The following HDAC8 variants were observed in gnomAD, a reference collection of about 807,000 sequenced individuals.
HDAC8 encodes the protein histone deacetylase 8.
Under a neutral mutation model 32.2 loss-of-function variants are expected in HDAC8, and 1 was observed. The observed-to-expected ratio is 0.03, with a 90% CI of 0.01 to 0.15. The LOEUF (loss-of-function observed/expected upper bound fraction) is 0.15. Ranked by LOEUF, HDAC8 falls within the 10% of genes least tolerant of loss-of-function variation. The pLI is 1.00. For synonymous variants in HDAC8, 108 were observed against 113.9 expected (o/e 0.95, Z 0.33); for missense variants, 117 against 300.0 (o/e 0.39, Z 4.51).
At position 72,459,734 on chromosome X, in the gene HDAC8, G is replaced by A. The variant is rs184821403; in HGVS notation, c.1005+2270C>T. 2.7e-5 allele frequency among the ~76,000 whole-genome samples: 3 copies of A among 111,285 alleles called. No individual in the cohort carries two copies. The East Asian group carries it at 8.5e-4, about 31-fold the overall frequency. On this transcript the variant is annotated intron_variant, in intron 9 of 10. Transcript: ENST00000373573. ...CCTCCCTCCCTAGCTGCTTGAGGTA[G>A]GGGATGAATTTCTCTCTTTGCATCT...
chrX:72,548,927 G>GC (rs1263343636), intron 4 of HDAC8, among the ~76,000 whole-genome samples: 1 of 111,767 alleles, frequency 8.9e-6, no homozygotes, highest in East Asian at 2.8e-4. Context: ...TACTGAAAGA[G>GC]CCTTTTTAGA....
At chrX:72,545,429 T>A (rs1735341010) in intron 4 of HDAC8, among the ~76,000 whole-genome samples, 1 of 112,525 alleles carries the variant, frequency 8.9e-6, no homozygotes, top group South Asian at 3.7e-4. Context: ...TCACATTTAA[T>A]CCTTATAACC....
At chrX:72,562,076 C>T (rs782196260) in intron 4 of HDAC8, among the ~76,000 whole-genome samples, 25 of 111,998 alleles carry the variant, frequency 2.2e-4, no homozygotes, top group Non-Finnish European at 3.8e-4. Context: ...TTTTACACTG[C>T]TGGTGGGAAT....
At chrX:72,509,622 CAAG>C (rs1435044054) in intron 4 of HDAC8, among the ~76,000 whole-genome samples, 1 of 111,461 alleles carries the variant, frequency 9.0e-6, no homozygotes, top group Non-Finnish European at 1.9e-5. Flanking sequence ...ATAAGCCAGA[CAAG>C]AAGGACAAAT....
At chrX:72,382,340 C>T (rs781874759) in intron 9 of HDAC8, among the ~76,000 whole-genome samples, 2 of 112,251 alleles carry the variant, frequency 1.8e-5, no homozygotes, top group African/African-American at 6.5e-5. Context: ...GAGGTCACAA[C>T]GCATAACTTG....
At position 72,453,457 on chromosome X, in the gene HDAC8, T is replaced by C. The variant is rs1414196410; in HGVS notation, c.1005+8547A>G. Among the ~76,000 whole-genome samples, 3 of 37,185 alleles carry C rather than the reference T, an allele frequency of 8.1e-5. No homozygotes were observed. The Admixed American group carries it at 9.6e-4, about 12-fold the overall frequency. The allele number at this position is 37,185 out of a possible 115,157, so 32.3% of individuals were successfully genotyped here. ...GGCTGACGGAGTAAGACTCTGTCTC[T>C]TAAAAATAAAGAAAGAAAGAAAGAA... is the stretch of plus-strand genomic sequence containing the variant. On this transcript the variant is annotated intron_variant, in intron 9 of 10. Coordinates refer to ENST00000373573, the MANE Select transcript of HDAC8 (RefSeq NM_018486.3).
chrX:72,441,794 T>A (rs1366381727), intron 9 of HDAC8, among the ~76,000 whole-genome samples: 3 of 111,192 alleles, frequency 2.7e-5, no homozygotes, highest in Non-Finnish European at 3.8e-5. Flanking sequence ...TGAAAAAAAT[T>A]TAGACGAATG....
At chrX:72,409,712 C>T (rs1297538660) in intron 9 of HDAC8, among the ~76,000 whole-genome samples, 1 of 112,409 alleles carries the variant, frequency 8.9e-6, no homozygotes, top group East Asian at 2.8e-4. Flanking sequence ...TTTCTCAATT[C>T]GCTCAATAGG....
At chrX:72,370,655 G>A (rs782150659) in intron 9 of HDAC8, among the ~76,000 whole-genome samples, 4 of 112,138 alleles carry the variant, frequency 3.6e-5, no homozygotes, top group South Asian at 3.8e-4. Flanking sequence ...CACTGTGCCC[G>A]GCCAAAGGGG....
chrX:72,346,426 T>C (rs2044029719), intron 10 of HDAC8, among the ~76,000 whole-genome samples: 1 of 112,318 alleles, frequency 8.9e-6, no homozygotes, highest in Non-Finnish European at 1.9e-5. Context: ...AGTCCCACCA[T>C]GCAGGAGCAC....
intron 7 of HDAC8, among the ~76,000 whole-genome samples, chrX:72,478,091 C>T (rs2048389388): frequency 8.9e-6 from 1 of 112,574 alleles, no homozygotes; most frequent in Non-Finnish European, 1.9e-5. Context: ...TATCTTGGCA[C>T]AAAAAGGGCT....
chrX:72,338,640 G>GATAT (rs10632029), intron 10 of HDAC8, among the ~76,000 whole-genome samples: 9,740 of 91,585 alleles, frequency 0.11, 534 homozygotes, highest in South Asian at 0.35. Context: ...TAGTCACCTT[G>GATAT]ATATATATAT....
At chrX:72,466,414 G>A (rs1987147723) in intron 7 of HDAC8, among the ~76,000 whole-genome samples, 1 of 112,228 alleles carries the variant, frequency 8.9e-6, no homozygotes, top group African/African-American at 3.2e-5. Flanking sequence ...CAAATGAAGT[G>A]TCAGAAATGG....
At chrX:72,465,319 G>A (rs2047988640) in intron 7 of HDAC8, among the ~76,000 whole-genome samples, 1 of 111,467 alleles carries the variant, frequency 9.0e-6, no homozygotes, top group African/African-American at 3.3e-5. Context: ...TGTAACAACT[G>A]ATCTAAAATT....
chrX:72,403,284 A>G (rs2045954152), intron 9 of HDAC8, among the ~76,000 whole-genome samples: 1 of 110,967 alleles, frequency 9.0e-6, no homozygotes, highest in Admixed American at 9.6e-5. Context: ...TTAATTCATA[A>G]TTTAAAAATT....
rs150799229 is a variant in HDAC8 at position 72,568,792 on chromosome X, C to T, written c.257G>A (p.Gly86Asp). 1.7e-6 allele frequency: 2 copies of T among 1,210,329 alleles called. No homozygotes were observed. The highest frequency in any genetic ancestry group is 1.7e-5 in the African/African-American group (1 of 57,310). The change falls in exon 3 of 11, where the codon GGC (glycine) becomes GAC (aspartate). Residue 86 changes from glycine (G) to aspartate (D), a missense_variant. Gly to Asp is a moderately conservative substitution (Grantham distance 94). Around this residue, in one of 4 missense-constraint regions of HDAC8, gnomAD observed 57 missense variants for 182.0 expected, o/e 0.31. Coordinates refer to ENST00000373573, the MANE Select transcript of HDAC8 (RefSeq NM_018486.3). ...TATGGAGTCCGGATGATCATCATCG[C>T]CCTCTTGGCTGACCTTCTGGAGATG... ...LQHLQKVSQE[G>D]DDDHPDSIEY... is the part of the protein sequence containing the mutation.
chrX:72,503,860 C>T (rs1369072281), intron 4 of HDAC8, among the ~76,000 whole-genome samples: 1 of 112,032 alleles, frequency 8.9e-6, no homozygotes, highest in African/African-American at 3.2e-5. Context: ...GAAAACTAGC[C>T]TGGTACCTGA....
intron 9 of HDAC8, among the ~76,000 whole-genome samples, chrX:72,384,118 G>A (rs2045352183): frequency 9.0e-6 from 1 of 111,438 alleles, no homozygotes; most frequent in Non-Finnish European, 1.9e-5. Context: ...TCTCTTAACA[G>A]CTTCTGAGTT....
chrX:72,557,638 C>T, intron 4 of HDAC8, among the ~76,000 whole-genome samples: 1 of 110,470 alleles, frequency 9.1e-6, no homozygotes, highest in Non-Finnish European at 1.9e-5. Flanking sequence ...TCTGAAAGAG[C>T]ACAAATAGAC....
Sources: gnomAD v4.1 joint callset for allele counts (sites outside exome capture counted in the v4.1 genomes callset) on GRCh38, gnomAD v4.1.1 for gene constraint, gnomAD v4.1.1 regional missense constraint, MANE v1.5 for transcripts, NCBI Gene and HGNC (gene_info 2026-07-23, HGNC 2026-07-21) for gene names.